The following FKBP8 variants were observed in gnomAD, a reference collection of about 807,000 sequenced individuals.
FKBP8 encodes peptidyl-prolyl cis-trans isomerase FKBP8.
In FKBP8, 5 loss-of-function variants were observed where a neutral mutation model predicts 41.7. The ratio of observed to expected loss-of-function variants is 0.12; its 90% CI spans 0.06 to 0.25. The LOEUF is 0.25. Ranked by LOEUF, FKBP8 falls within the 10% of genes least tolerant of loss-of-function variation. FKBP8 has a pLI of 1.00. For missense variants in FKBP8, 397 were observed against 563.0 expected (o/e 0.71, Z 2.98); for synonymous variants, 279 against 254.5 (o/e 1.10, Z -0.92).
rs561889584 is a variant in FKBP8 at position 18,538,154 on chromosome 19, T to C, written c.772+62A>G. 6.8e-5 allele frequency: 103 copies of C among 1,505,722 alleles called. No homozygotes were observed. Among genetic ancestry groups the C allele is most frequent in the African/African-American group, 1.4e-4 (10 of 72,364 alleles). 93.3% of individuals were successfully genotyped at this position (1,505,722 alleles called of 1,614,324 possible). On this transcript the variant is annotated intron_variant, in intron 5 of 8. Coordinates refer to ENST00000608443, the MANE Select transcript of FKBP8 (RefSeq NM_012181.5). This position sits in a 1 kb window ranked among gnomAD's most constrained non-coding sequence, Gnocchi z 4.0. ...GTCTGAGGCTCTCTGGGGCTGGAAG[T>C]TTCTGGCACGGAGTGGACACCTTTG...
In FKBP8 at chr19:18,531,860, A is replaced by C. The variant is rs1976457064; in HGVS notation, c.*309T>G. ...GCTGGCACTCAGGCGGGGACTAGGC[A>C]GGGGAAGGGCTGCCCCCAGGCCTGT... On this transcript the variant is annotated 3_prime_UTR_variant, in exon 9 of 9. Transcript: ENST00000608443. The C allele has an allele frequency of 2.7e-6, 1 of 364,484 alleles. No individual in the cohort carries two copies. Among genetic ancestry groups the C allele is most frequent in the Admixed American group, 3.9e-5 (1 of 25,966 alleles). 22.6% of individuals were successfully genotyped at this position (364,484 alleles called of 1,614,324 possible).
In FKBP8 at chr19:18,537,751, C is replaced by T. The variant is rs771802128; in HGVS notation, c.795G>A (p.Glu265=). ...SAKVDMTFEE[E]AQLLQLKVKC... ...TCACCTTCAACTGCAGGAGCTGTGC[C>T]TCCTCCTCGAACGTCATGTCCACTA... Residue 265 remains glutamate, a synonymous_variant, in exon 6 of 9, where the codon GAG becomes GAA. Coordinates refer to ENST00000608443, the MANE Select transcript of FKBP8 (RefSeq NM_012181.5). The surrounding 1 kb of genome is among the most constrained non-coding windows in gnomAD (Gnocchi z 4.4). The T allele has an allele frequency of 1.2e-6, 2 of 1,612,908 alleles. No individual in the cohort carries two copies. Among genetic ancestry groups the T allele is most frequent in the Non-Finnish European group, 1.7e-6 (2 of 1,179,484 alleles).
At position 18,532,754 on chromosome 19, in the gene FKBP8, C is replaced by T. The variant is rs747482164; in HGVS notation, c.1065G>A (p.Ala355=). ...AELSKLVKKH[A]AQRSTETALY... ...AGGCGGTCTCCGTGCTCCGCTGCGC[C>T]GCATGCTTCTTCACCAGCTTTGAGA... Residue 355 remains alanine (A), a synonymous_variant, in exon 8 of 9, where the codon GCG becomes GCA. Coordinates refer to ENST00000608443, the MANE Select transcript of FKBP8 (RefSeq NM_012181.5). The T allele has an allele frequency of 3.0e-5, 49 of 1,614,024 alleles. No homozygotes were observed. Among genetic ancestry groups the T allele is most frequent in the East Asian group, 2.7e-4 (12 of 44,900 alleles).
intron 7 of FKBP8, chr19:18,533,018 T>C: frequency 2.5e-6 from 2 of 792,448 alleles, no homozygotes; most frequent in Non-Finnish European, 3.9e-6. Context: ...CAAAAGGTTC[T>C]GGAAGGAAGG....
chr19:18,538,273 C>T lies in FKBP8; in HGVS notation c.715G>A (p.Val239Ile), dbSNP rs776165734. The T allele has an allele frequency of 2.5e-5, 41 of 1,613,346 alleles. No homozygotes were observed. The highest frequency in any genetic ancestry group is 3.2e-5 in the Non-Finnish European group (38 of 1,179,794). ...AGGTCGTAGGAGTTGGCGGCCAGGA[C>T]GAAGTCCGCCCGCTGGTAGTGGGCG... The part of the protein sequence containing the change: ...GNAHYQRADF[V>I]LAANSYDLAI... Residue 239 changes from valine (V) to isoleucine (I), a missense_variant, in exon 5 of 9, where the codon GTC (valine) becomes ATC (isoleucine). Val to Ile is a conservative substitution (Grantham distance 29). Transcript: ENST00000608443. The surrounding 1 kb of genome is among the most constrained non-coding windows in gnomAD (Gnocchi z 4.0).
rs1309270096 is a variant in FKBP8 at position 18,532,104 on chromosome 19, G to A, written c.*65C>T. Reference sequence around the variant, plus strand: ...AGGGAGGGCAGTGGACAGGGAGCCTGGGGGAGTTGGGGAGCGCAGGGCAGG... The same window carrying A: ...AGGGAGGGCAGTGGACAGGGAGCCTAGGGGAGTTGGGGAGCGCAGGGCAGG... On this transcript the variant is annotated 3_prime_UTR_variant, in exon 9 of 9. Coordinates refer to ENST00000608443, the MANE Select transcript of FKBP8 (RefSeq NM_012181.5). 2 of 1,381,048 alleles carry A rather than the reference G, an allele frequency of 1.4e-6. No homozygotes were observed. Among genetic ancestry groups the A allele is most frequent in the Admixed American group, 2.0e-5 (1 of 50,734 alleles). 85.5% of individuals were successfully genotyped at this position (1,381,048 alleles called of 1,614,324 possible). A position where few individuals can be genotyped will look rare whatever the true frequency, so the allele number is the denominator to read the frequency against.
chr19:18,533,604 C>T (rs1026417228), intron 6 of FKBP8, among the ~76,000 whole-genome samples: 14 of 151,892 alleles, frequency 9.2e-5, no homozygotes, highest in Non-Finnish European at 8.8e-5. Context: ...ACTCAGGAGG[C>T]TGAGGTGGGA....
rs549708240 is a variant in FKBP8, at chr19:18,539,399, A to C, written c.523T>G (p.Ser175Ala). Residue 175 changes from serine (S) to alanine (A), a missense_variant, in exon 4 of 9, where the codon TCC becomes GCC. Transcript: ENST00000608443. ...VGETAMVTAD[S>A]KYCYGPQGSR... ...CCTTGGGGGCCGTAGCAGTACTTGG[A>C]GTCAGCAGTGACCATGGCCGTCTCC... The C allele has an allele frequency of 4.0e-5, 64 of 1,613,484 alleles. No individual in the cohort carries two copies. The South Asian group carries it at 6.7e-4, about 17-fold the overall frequency.
intron 1 of FKBP8, 127 bp from the exon 2 acceptor site, chr19:18,542,122 A>C: frequency 7.2e-7 from 1 of 1,380,540 alleles, no homozygotes; most frequent in Non-Finnish European, 9.5e-7. Flanking sequence ...CAGTTTCCTC[A>C]TCTATACAGT....
At chr19:18,533,418 G>A (rs1976494136) in intron 6 of FKBP8, 71 bp from the exon 7 acceptor site, 3 of 1,312,356 alleles carry the variant, frequency 2.3e-6, no homozygotes, top group Non-Finnish European at 3.1e-6. Context: ...TCCAGCCCAG[G>A]AGGTTGCAGT....
At position 18,537,489 on chromosome 19, in the gene FKBP8, C is replaced by A. The variant is rs564361471; in HGVS notation, c.945+112G>T. The A allele has an allele frequency of 3.7e-5, 38 of 1,025,014 alleles. No homozygotes were observed. The Admixed American group carries it at 4.9e-4, about 13-fold the overall frequency. 63.5% of individuals were successfully genotyped at this position (1,025,014 alleles called of 1,614,324 possible). On this transcript the variant is annotated intron_variant, in intron 6 of 8. Transcript: ENST00000608443. This position sits in a 1 kb window ranked among gnomAD's most constrained non-coding sequence, Gnocchi z 4.4. Reference sequence around the variant, plus strand: ...TGGGCCTCAGTTTCTCCACCTGCACCCCACAGAGCTCAGCTGGCTTATATA... The same window carrying A: ...TGGGCCTCAGTTTCTCCACCTGCACACCACAGAGCTCAGCTGGCTTATATA...
rs11541428 is a variant in FKBP8 at position 18,541,925 on chromosome 19, C to T, written c.46G>A (p.Ala16Thr). ...AAGTCCTCGAGCGGTGGGACCCCGG[C>T]GGGCAGTGGGGCAGAGGGCTCAGAG... ...EPSEPSAPLPAGVPPLEDFEV... is the reference protein window; with the variant it reads ...EPSEPSAPLPTGVPPLEDFEV... The change falls in exon 2 of 9, where the codon GCC becomes ACC. Residue 16 changes from alanine to threonine, a missense_variant. Physicochemically the swap from Ala to Thr is moderately conservative, Grantham distance 58 (BLOSUM62 0). This residue lies in a region of FKBP8 where 172 missense variants were observed against 196.2 expected (regional missense o/e 0.88). Coordinates refer to ENST00000608443, the MANE Select transcript of FKBP8 (RefSeq NM_012181.5). 1.2e-6 allele frequency: 2 copies of T among 1,614,064 alleles called. No individual in the cohort carries two copies. The highest frequency in any genetic ancestry group is 1.1e-5 in the South Asian group (1 of 91,076).
At position 18,541,767 on chromosome 19, in the gene FKBP8, C is replaced by T; in HGVS notation, c.204G>A (p.Gln68=). The T allele has an allele frequency of 1.2e-6, 2 of 1,614,032 alleles. No individual in the cohort carries two copies. Among genetic ancestry groups the T allele is most frequent in the Non-Finnish European group, 1.7e-6 (2 of 1,179,992 alleles). The part of the protein sequence containing the change: ...MGQPPAEEAE[Q]PGALAREFLA... The stretch of plus-strand genomic sequence containing the variant: ...GGAACTCTCGGGCCAGGGCCCCAGG[C>T]TGCTCAGCCTCCTCCGCCGGGGGTT... The change falls in exon 2 of 9, where the codon CAG becomes CAA. Residue 68 remains glutamine, a synonymous_variant. Coordinates refer to ENST00000608443, the MANE Select transcript of FKBP8 (RefSeq NM_012181.5).
chr19:18,542,002 G>T lies in FKBP8; in HGVS notation c.-25-7C>A. The T allele has an allele frequency of 6.2e-7, 1 of 1,603,908 alleles. No individual in the cohort carries two copies. The highest frequency in any genetic ancestry group is 8.5e-7 in the Non-Finnish European group (1 of 1,174,706). ...GGGGGGACAGGAATTGGCCCTGGAAGTGGGGGGCAGAGATGTGGGTCAGAA... is the reference window on the plus strand; with the variant it reads ...GGGGGGACAGGAATTGGCCCTGGAATTGGGGGGCAGAGATGTGGGTCAGAA... On this transcript the variant is annotated splice_region_variant and splice_polypyrimidine_tract_variant and intron_variant, in intron 1 of 8. Coordinates refer to ENST00000608443, the MANE Select transcript of FKBP8 (RefSeq NM_012181.5).
intron 2 of FKBP8, 46 bp downstream of exon 2, chr19:18,541,633 G>C (rs372986668): frequency 1.5e-5 from 23 of 1,555,438 alleles, no homozygotes; most frequent in Non-Finnish European, 2.0e-5. Flanking sequence ...CTCAGGGGAC[G>C]AGAGGGCCAG....
At position 18,541,956 on chromosome 19, in the gene FKBP8, A is replaced by C; in HGVS notation, c.15T>G (p.Ala5=). The C allele has an allele frequency of 6.2e-7, 1 of 1,613,746 alleles. No homozygotes were observed. MASC[A]EPSEPSAPLP... ...GTGGGGCAGAGGGCTCAGAGGGTTC[A>C]GCACACGATGCCATGCTGCTGGGGG... The change falls in exon 2 of 9, where the codon GCT becomes GCG. Residue 5 remains alanine (A), a synonymous_variant. Coordinates refer to ENST00000608443, the MANE Select transcript of FKBP8 (RefSeq NM_012181.5).
In FKBP8 at chr19:18,538,570, A is replaced by G; in HGVS notation, c.552-134T>C. 1.4e-6 allele frequency: 1 copy of G among 713,812 alleles called. No individual in the cohort carries two copies. Among genetic ancestry groups the G allele is most frequent in the Non-Finnish European group, 2.3e-6 (1 of 441,070 alleles). The allele number at this position is 713,812 out of a possible 1,614,324, so 44.2% of individuals were successfully genotyped here. On this transcript the variant is annotated intron_variant, in intron 4 of 8. Coordinates refer to ENST00000608443, the MANE Select transcript of FKBP8 (RefSeq NM_012181.5). This position sits in a 1 kb window ranked among gnomAD's most constrained non-coding sequence, Gnocchi z 4.0. ...CTCTGCCCTCCATCATTCCCTCCTC[A>G]GTAAAGTGCAGGGGAAGTGACTTGC...
intron 3 of FKBP8, 40 bp from the exon 4 acceptor site, chr19:18,539,499 G>C: frequency 6.2e-7 from 1 of 1,611,780 alleles, no homozygotes; most frequent in Non-Finnish European, 8.5e-7. Context: ...GGCAGACTCA[G>C]ACCCAGCAAG....
intron 4 of FKBP8, among the ~76,000 whole-genome samples, 178 bp downstream of exon 4, chr19:18,539,193 A>C (rs1781864250): frequency 6.6e-6 from 1 of 152,100 alleles, no homozygotes; most frequent in African/African-American, 2.4e-5. Flanking sequence ...TCCAGGTCTC[A>C]AGCAATCCTC....
Sources: gnomAD v4.1 joint callset for allele counts (sites outside exome capture counted in the v4.1 genomes callset) on GRCh38, gnomAD v4.1.1 for gene constraint, gnomAD v4.1.1 regional missense constraint, Gnocchi (gnomAD v3.1) non-coding constraint, MANE v1.5 for transcripts, NCBI Gene and HGNC (gene_info 2026-07-23, HGNC 2026-07-21) for gene names.